KCNJ3: variants seen among roughly 807,000 people sequenced by gnomAD.
The protein encoded by KCNJ3 is G protein-activated inward rectifier potassium channel 1.
KCNJ3 carries 4 observed loss-of-function variants against 39.2 expected under a neutral mutation model. The observed-to-expected ratio is 0.10, with a 90% confidence interval of 0.05 to 0.23. The LOEUF (loss-of-function observed/expected upper bound fraction) is 0.23. Among genes scored for constraint, KCNJ3 ranks in the 10% least tolerant of loss-of-function variants. KCNJ3 has a pLI of 1.00. For synonymous variants in KCNJ3, 230 were observed against 237.4 expected (o/e 0.97, Z 0.29); for missense variants, 276 against 634.9 (o/e 0.43, Z 6.08).
intron 2 of KCNJ3, among the ~76,000 whole-genome samples, chr2:154,740,387 G>C (rs1461822909): frequency 1.3e-5 from 2 of 152,004 alleles, no homozygotes; most frequent in African/African-American, 4.8e-5. Flanking sequence ...ATTTCTGTTA[G>C]TAGAATTTTA....
At chr2:154,724,395 T>C (rs931012551) in intron 2 of KCNJ3, among the ~76,000 whole-genome samples, 1 of 152,154 alleles carries the variant, frequency 6.6e-6, no homozygotes, top group Non-Finnish European at 1.5e-5. Context: ...TGACTATAGA[T>C]AAATTCTGCC....
At chr2:154,843,132 G>C (rs1362911744) in intron 2 of KCNJ3, among the ~76,000 whole-genome samples, 1 of 152,094 alleles carries the variant, frequency 6.6e-6, no homozygotes, top group Non-Finnish European at 1.5e-5. Flanking sequence ...GGCAGGCCTG[G>C]TGGTGACAAA....
chr2:154,806,039 T>C (rs566929137), intron 2 of KCNJ3, among the ~76,000 whole-genome samples: 38 of 152,318 alleles, frequency 2.5e-4, no homozygotes, highest in African/African-American at 9.1e-4. Flanking sequence ...TATAAAGATA[T>C]ATTCCATTTG....
intron 2 of KCNJ3, among the ~76,000 whole-genome samples, chr2:154,716,418 C>A (rs958683418): frequency 6.6e-6 from 1 of 151,692 alleles, no homozygotes; most frequent in Non-Finnish European, 1.5e-5. Flanking sequence ...AGCCACCACG[C>A]CTAGCCCATT....
chr2:154,752,863 G>C (rs1215230581), intron 2 of KCNJ3, among the ~76,000 whole-genome samples: 1 of 151,982 alleles, frequency 6.6e-6, no homozygotes, highest in Non-Finnish European at 1.5e-5. Flanking sequence ...TAAAATTTCT[G>C]TATTGTAAAA....
In KCNJ3 at chr2:154,857,264, G is replaced by A. The variant is rs2105145054; in HGVS notation, c.*1951G>A. ...TCCACAGGGCATGGTATATTTATCA[G>A]CAGTGGAAAAAAAGTGCATAGATCA... On this transcript the variant is annotated 3_prime_UTR_variant, in exon 3 of 3. Coordinates refer to ENST00000295101, the MANE Select transcript of KCNJ3 (RefSeq NM_002239.4). 6.6e-6 allele frequency: 1 copy of A among 152,160 alleles called. No individual in the cohort carries two copies. The highest frequency in any genetic ancestry group is 2.4e-5 in the African/African-American group (1 of 41,522). The allele number at this position is 152,160 out of a possible 1,614,324, so 9.4% of individuals were successfully genotyped here.
In KCNJ3 at chr2:154,857,571, CA is replaced by C. The variant is rs1422838332; in HGVS notation, c.*2261del. On this transcript the variant is annotated 3_prime_UTR_variant, in exon 3 of 3. Coordinates refer to ENST00000295101, the MANE Select transcript of KCNJ3 (RefSeq NM_002239.4). ...AACAAATAAGACCACTTCAGACAAT[CA>C]AAGTATCAGTTAAGAGAATGAAAAC... is the stretch of plus-strand genomic sequence containing the variant. 1.3e-5 allele frequency: 2 copies of C among 151,942 alleles called. No homozygotes were observed. Among genetic ancestry groups the C allele is most frequent in the Non-Finnish European group, 2.9e-5 (2 of 68,024 alleles). 9.4% of individuals were successfully genotyped at this position (151,942 alleles called of 1,614,324 possible). A position where few individuals can be genotyped will look rare whatever the true frequency, so the allele number is the denominator to read the frequency against.
intron 2 of KCNJ3, among the ~76,000 whole-genome samples, chr2:154,756,521 G>C (rs913869297): frequency 1.3e-5 from 2 of 149,428 alleles, no homozygotes; most frequent in African/African-American, 4.9e-5. Flanking sequence ...CCCTCCCCTA[G>C]ACCCCCACCC....
chr2:154,710,841 G>GT (rs1199791765), intron 2 of KCNJ3, among the ~76,000 whole-genome samples: 1 of 152,140 alleles, frequency 6.6e-6, no homozygotes, highest in Non-Finnish European at 1.5e-5. Flanking sequence ...CCTCAATTAT[G>GT]TAACAGTCAG....
intron 2 of KCNJ3, among the ~76,000 whole-genome samples, chr2:154,765,892 C>T (rs930300248): frequency 1.3e-5 from 2 of 152,052 alleles, no homozygotes. Flanking sequence ...AAAGCAAATA[C>T]TAGAAGAAAA....
rs868247262 is a variant in KCNJ3, at chr2:154,781,273, A to G, written c.919+71454A>G. Among the ~76,000 whole-genome samples the G allele has an allele frequency of 3.3e-5, 5 of 152,310 alleles. No homozygotes were observed. The Middle Eastern group carries it at 0.014, about 414-fold the overall frequency. On this transcript the variant is annotated intron_variant, in intron 2 of 2. Coordinates refer to ENST00000295101, the MANE Select transcript of KCNJ3 (RefSeq NM_002239.4). ...AGAACTGTAAAATGATCTATTTTTT[A>G]TAACAAATAAGTTTGTGGTAATTTG... is the stretch of plus-strand genomic sequence containing the variant.
intron 2 of KCNJ3, among the ~76,000 whole-genome samples, chr2:154,804,912 T>C (rs2105096262): frequency 6.6e-6 from 1 of 152,250 alleles, no homozygotes; most frequent in South Asian, 2.1e-4. Flanking sequence ...ATTTGAGTTG[T>C]TTATATTAAA....
chr2:154,826,128 T>A (rs1687266831), intron 2 of KCNJ3, among the ~76,000 whole-genome samples: 1 of 152,170 alleles, frequency 6.6e-6, no homozygotes, highest in Admixed American at 6.5e-5. Context: ...CAGAAATTGA[T>A]TGAGGCTCTG....
At chr2:154,845,733 G>A (rs1687652767) in intron 2 of KCNJ3, among the ~76,000 whole-genome samples, 1 of 152,142 alleles carries the variant, frequency 6.6e-6, no homozygotes, top group Non-Finnish European at 1.5e-5. Context: ...CACTTTGGGA[G>A]GCTGAGGCGG....
At chr2:154,788,669 C>T (rs1686576206) in intron 2 of KCNJ3, among the ~76,000 whole-genome samples, 1 of 151,618 alleles carries the variant, frequency 6.6e-6, no homozygotes, top group Non-Finnish European at 1.5e-5. Context: ...TGAATTTTTC[C>T]TCTTTTTAAA....
chr2:154,733,727 A>G (rs1023554294), intron 2 of KCNJ3, among the ~76,000 whole-genome samples: 1 of 152,134 alleles, frequency 6.6e-6, no homozygotes, highest in Admixed American at 6.5e-5. Context: ...TTCAGTGACT[A>G]TTCACCCCCA....
intron 2 of KCNJ3, among the ~76,000 whole-genome samples, chr2:154,848,440 TTA>T: frequency 6.6e-6 from 1 of 152,158 alleles, no homozygotes. Context: ...ACTATTATTT[TTA>T]TGTTTATAAT....
rs866255726 is a variant in KCNJ3 at position 154,699,306 on chromosome 2, C to T, written c.531C>T (p.Ile177=). ...ILGSIVDAFL[I]GCMFIKMSQP... is the part of the protein sequence containing the mutation. ...GCTCCATCGTGGACGCCTTCCTCATCGGCTGCATGTTCATCAAGATGTCCC... is the reference window on the plus strand; with the variant it reads ...GCTCCATCGTGGACGCCTTCCTCATTGGCTGCATGTTCATCAAGATGTCCC... Residue 177 remains isoleucine (I), a synonymous_variant, in exon 1 of 3, where the codon ATC becomes ATT. Transcript: ENST00000295101. This position sits in a 1 kb window ranked among gnomAD's most constrained non-coding sequence, Gnocchi z 6.4. 6.2e-7 allele frequency: 1 copy of T among 1,613,960 alleles called. No homozygotes were observed. Among genetic ancestry groups the T allele is most frequent in the Non-Finnish European group, 8.5e-7 (1 of 1,180,038 alleles).
intron 2 of KCNJ3, among the ~76,000 whole-genome samples, chr2:154,844,757 G>T (rs1687637727): frequency 6.6e-6 from 1 of 152,218 alleles, no homozygotes; most frequent in African/African-American, 2.4e-5. Context: ...TCCGAGGCAG[G>T]CATGGGAGAG....
Sources: allele counts gnomAD v4.1 joint callset (sites outside exome capture counted in the v4.1 genomes callset), GRCh38; gene constraint gnomAD v4.1.1; non-coding constraint Gnocchi (gnomAD v3.1); transcripts MANE v1.5; gene names NCBI Gene and HGNC (gene_info 2026-07-23, HGNC 2026-07-21).